RASGRF1: variants seen among roughly 807,000 people sequenced by gnomAD.
The protein encoded by RASGRF1 is Ras protein specific guanine nucleotide releasing factor 1, also known as ras-specific guanine nucleotide-releasing factor 1.
A neutral mutation model predicts 138.7 loss-of-function variants in RASGRF1; 40 were observed. The observed-to-expected ratio is 0.29, with a 90% CI of 0.22 to 0.38. RASGRF1 has a LOEUF of 0.38. RASGRF1 is among the 10% of genes least tolerant of loss of function. RASGRF1 has a pLI of 1.00. For synonymous variants in RASGRF1, 614 were observed against 663.2 expected (o/e 0.93, Z 1.14); for missense variants, 1,108 against 1,650.4 (o/e 0.67, Z 5.69).
At chr15:78,987,258 CAGAA>C (rs2056178442) in intron 22 of RASGRF1, among the ~76,000 whole-genome samples, 2 of 151,656 alleles carry the variant, frequency 1.3e-5, no homozygotes, top group African/African-American at 4.9e-5. Context: ...TCTATGGATG[CAGAA>C]AGAAATATTT....
intron 5 of RASGRF1, among the ~76,000 whole-genome samples, chr15:79,045,301 G>T (rs1008528736): frequency 5.9e-5 from 9 of 152,162 alleles, no homozygotes; most frequent in African/African-American, 1.4e-4. Flanking sequence ...TCCAGGGTTT[G>T]CTCAGCAAGG....
At position 79,035,153 on chromosome 15, in the gene RASGRF1, G is replaced by A; in HGVS notation, c.936C>T (p.Ser312=). ...CACCCAGGACCAGCGTGGGCCAGCT[G>A]GAGATGCGGGCCTTCAGGCCTTGGT... The part of the protein sequence containing the change: ...IFYQGLKARI[S]SWPTLVLADL... Residue 312 remains serine, a synonymous_variant, in exon 6 of 27, where the codon TCC becomes TCT. Coordinates refer to ENST00000558480, the MANE Select transcript of RASGRF1 (RefSeq NM_001145648.3). The A allele has an allele frequency of 6.2e-7, 1 of 1,613,684 alleles. No individual in the cohort carries two copies. Among genetic ancestry groups the A allele is most frequent in the Non-Finnish European group, 8.5e-7 (1 of 1,179,714 alleles).
At chr15:79,035,088 AG>A (rs1323693745) in intron 6 of RASGRF1, 42 bp downstream of exon 6, 2 of 1,538,492 alleles carry the variant, frequency 1.3e-6, no homozygotes, top group Admixed American at 1.8e-5. Context: ...TGGCCCCTGG[AG>A]GGGGACTTCT....
intron 5 of RASGRF1, among the ~76,000 whole-genome samples, chr15:79,038,025 G>A (rs2057245762): frequency 1.3e-5 from 2 of 152,240 alleles, no homozygotes; most frequent in South Asian, 4.2e-4. Flanking sequence ...GAGCTCAGGT[G>A]GTAATGTGAG....
chr15:78,994,334 G>T (rs2056344649), intron 20 of RASGRF1, among the ~76,000 whole-genome samples: 1 of 152,168 alleles, frequency 6.6e-6, no homozygotes, highest in African/African-American at 2.4e-5. Context: ...AGTGCTTACA[G>T]CTTCATAGGT....
At chr15:79,069,997 G>A (rs541473340) in intron 1 of RASGRF1, among the ~76,000 whole-genome samples, 2 of 152,180 alleles carry the variant, frequency 1.3e-5, no homozygotes, top group South Asian at 2.1e-4. Context: ...AGCTGACACA[G>A]ACACCTGAAG....
intron 24 of RASGRF1, among the ~76,000 whole-genome samples, chr15:78,975,465 C>T (rs1229695882): frequency 6.7e-6 from 1 of 149,946 alleles, no homozygotes; most frequent in Non-Finnish European, 1.5e-5. Flanking sequence ...CCATCCCTTC[C>T]AGTCCATGAT....
chr15:79,012,341 G>T (rs185851953), intron 13 of RASGRF1: 186 of 643,344 alleles, frequency 2.9e-4, no homozygotes, highest in African/African-American at 2.8e-3. Context: ...CCTCAACTGT[G>T]CCAGGTAGAT....
At chr15:79,077,217 G>A (rs1220187126) in intron 1 of RASGRF1, among the ~76,000 whole-genome samples, 1 of 152,140 alleles carries the variant, frequency 6.6e-6, no homozygotes, top group Non-Finnish European at 1.5e-5. Flanking sequence ...GGGTTGTGGG[G>A]TCTACCAGGG....
At chr15:78,963,870 A>T (rs1477449946) in intron 26 of RASGRF1, among the ~76,000 whole-genome samples, 1 of 152,212 alleles carries the variant, frequency 6.6e-6, no homozygotes, top group Non-Finnish European at 1.5e-5. Context: ...CATGTGAAAT[A>T]GTCTTTTATA....
At chr15:78,963,450 C>T (rs952731881) in intron 26 of RASGRF1, among the ~76,000 whole-genome samples, 21 of 152,072 alleles carry the variant, frequency 1.4e-4, no homozygotes, top group Non-Finnish European at 1.6e-4. Context: ...CCCAGGCATG[C>T]ACCACCATGC....
chr15:79,032,400 C>A lies in RASGRF1; in HGVS notation c.959-84G>T. On this transcript the variant is annotated intron_variant, in intron 6 of 26. Coordinates refer to ENST00000558480, the MANE Select transcript of RASGRF1 (RefSeq NM_001145648.3). This position sits in a 1 kb window ranked among gnomAD's most constrained non-coding sequence, Gnocchi z 4.5. ...TAGGCCCTTGGCTCCCCCAGCTACA[C>A]CCAGAGAGGCCAGGGGCCAGGTTCA... 3 of 1,361,328 alleles carry A rather than the reference C, an allele frequency of 2.2e-6. No individual in the cohort carries two copies. The highest frequency in any genetic ancestry group is 2.0e-5 in the Admixed American group (1 of 50,584). 84.3% of individuals were successfully genotyped at this position (1,361,328 alleles called of 1,614,324 possible).
chr15:78,980,548 C>A, intron 24 of RASGRF1, 72 bp downstream of exon 24: 1 of 1,227,900 alleles, frequency 8.1e-7, no homozygotes, highest in South Asian at 1.4e-5. Flanking sequence ...TGGCTGGGGG[C>A]GGCACGTGAA....
chr15:79,072,267 CTTTTTTTTTTTTTT>C (rs758415767), intron 1 of RASGRF1, among the ~76,000 whole-genome samples: 1 of 61,576 alleles, frequency 1.6e-5, no homozygotes, highest in Non-Finnish European at 3.0e-5. Context: ...GATAAACAAT[CTTTTTTTTTTTTTT>C]TTTTTTTTTT....
At chr15:78,976,797 C>T (rs545362793) in intron 24 of RASGRF1, among the ~76,000 whole-genome samples, 5 of 152,326 alleles carry the variant, frequency 3.3e-5, no homozygotes, top group South Asian at 2.1e-4. Flanking sequence ...TGGCCTCTCT[C>T]GGGTGAGGTC....
chr15:79,037,508 C>A (rs1471576969), intron 5 of RASGRF1, among the ~76,000 whole-genome samples: 1 of 151,866 alleles, frequency 6.6e-6, no homozygotes, highest in Non-Finnish European at 1.5e-5. Context: ...GCCTAGGCTG[C>A]AATGCCATGG....
At chr15:78,989,289 G>A (rs1018660481) in intron 22 of RASGRF1, among the ~76,000 whole-genome samples, 8 of 152,110 alleles carry the variant, frequency 5.3e-5, no homozygotes, top group African/African-American at 1.9e-4. Context: ...TGCCAGGCCA[G>A]TTTGCAGGTC....
chr15:79,002,171 CTT>C (rs1235459937), intron 15 of RASGRF1, among the ~76,000 whole-genome samples: 2 of 137,434 alleles, frequency 1.5e-5, no homozygotes, highest in Admixed American at 6.9e-5. Flanking sequence ...CACGATCTCT[CTT>C]TTTTTTTTTG....
At chr15:79,018,243 C>T (rs1245105874) in intron 11 of RASGRF1, among the ~76,000 whole-genome samples, 2 of 152,240 alleles carry the variant, frequency 1.3e-5, no homozygotes, top group Non-Finnish European at 2.9e-5. Flanking sequence ...GGGTGGTGGC[C>T]AAGCCAGGGC....
Sources: allele counts gnomAD v4.1 joint callset (sites outside exome capture counted in the v4.1 genomes callset), GRCh38; gene constraint gnomAD v4.1.1; non-coding constraint Gnocchi (gnomAD v3.1); transcripts MANE v1.5; gene names NCBI Gene and HGNC (gene_info 2026-07-23, HGNC 2026-07-21).